Variants in CBR4 observed in about 807,000 individuals in gnomAD.
CBR4 encodes the protein carbonyl reductase 4, also known as 3-oxoacyl-[acyl-carrier-protein] reductase.
Under a neutral mutation model 21.0 loss-of-function variants are expected in CBR4, and 22 were observed. The ratio of observed to expected loss-of-function variants is 1.05; its 90% CI spans 0.75 to 1.50. CBR4 has a LOEUF of 1.50. Among genes scored for constraint, CBR4 ranks in the 40% most tolerant of loss-of-function variants. The probability of loss-of-function intolerance (pLI) is 0.00; values close to 1 mark genes in which losing one functional copy is unlikely to be tolerated. For synonymous variants in CBR4, 100 were observed against 104.4 expected (o/e 0.96, Z 0.26); for missense variants, 302 against 286.3 (o/e 1.05, Z -0.40).
At chr4:168,960,454 T>C (rs1341371576) in intron 2 of CBR4, among the ~76,000 whole-genome samples, 1 of 152,164 alleles carries the variant, frequency 6.6e-6, no homozygotes, top group Admixed American at 6.5e-5. Flanking sequence ...TATAAAATAT[T>C]CAGGAAGTCT....
At chr4:169,009,137 T>C (rs559742162) in intron 1 of CBR4, 1 of 425,494 alleles carries the variant, frequency 2.4e-6, no homozygotes, top group Admixed American at 3.0e-5. Flanking sequence ...ATTCTCCCCA[T>C]GCCTCCCTGA....
chr4:168,969,302 G>C (rs1425793411), intron 2 of CBR4, among the ~76,000 whole-genome samples: 1 of 152,096 alleles, frequency 6.6e-6, no homozygotes, highest in African/African-American at 2.4e-5. Flanking sequence ...TCCAAGTCTG[G>C]GAACTGAGCA....
In CBR4 at chr4:168,988,442, G is replaced by A. The variant is rs17054604; in HGVS notation, c.*1708C>T. ...CTCGCTCATGATTTCAGAGCATAAGGTGTCCAGAGAAGAAAACTCAAGACT... is the reference window on the plus strand; with the variant it reads ...CTCGCTCATGATTTCAGAGCATAAGATGTCCAGAGAAGAAAACTCAAGACT... On this transcript the variant is annotated 3_prime_UTR_variant, in exon 5 of 5. Transcript: ENST00000306193. 119,231 of 985,140 alleles carry A rather than the reference G, an allele frequency of 0.12. 7,465 individuals carry two copies. Among genetic ancestry groups the A allele is most frequent in the African/African-American group, 0.18 (10,558 of 57,262 alleles). The allele number at this position is 985,140 out of a possible 1,614,324, so 61.0% of individuals were successfully genotyped here. A position where few individuals can be genotyped will look rare whatever the true frequency, so the allele number is the denominator to read the frequency against.
chr4:168,957,304 G>A (rs533734196), intron 2 of CBR4, among the ~76,000 whole-genome samples: 4 of 151,812 alleles, frequency 2.6e-5, no homozygotes, highest in Non-Finnish European at 4.4e-5. Flanking sequence ...GTAAAAAATC[G>A]CTTTGACAAA....
At chr4:168,925,441 G>T in intron 2 of CBR4, 1 of 668,490 alleles carries the variant, frequency 1.5e-6, no homozygotes. Context: ...TTCTGCAAAT[G>T]ACTGCCTTTT....
intron 2 of CBR4, among the ~76,000 whole-genome samples, chr4:168,972,818 TAGA>T (rs1694662440): frequency 6.6e-6 from 1 of 152,226 alleles, no homozygotes; most frequent in African/African-American, 2.4e-5. Flanking sequence ...CTGTGTTGAA[TAGA>T]AGTAGTGAAA....
intron 2 of CBR4, among the ~76,000 whole-genome samples, chr4:168,907,658 C>A (rs191963891): frequency 2.0e-5 from 3 of 152,314 alleles, no homozygotes; most frequent in African/African-American, 2.4e-5. Context: ...CCCCAGAATT[C>A]TCTGCTTTGC....
At chr4:168,976,712 G>A (rs1328672336) in intron 2 of CBR4, among the ~76,000 whole-genome samples, 1 of 152,232 alleles carries the variant, frequency 6.6e-6, no homozygotes, top group African/African-American at 2.4e-5. Context: ...CATTCACAAG[G>A]GTGGGGGAAT....
chr4:168,926,485 T>C (rs1224766813), intron 2 of CBR4: 6 of 711,534 alleles, frequency 8.4e-6, no homozygotes, highest in Admixed American at 4.3e-5. Context: ...TACCTTTGAC[T>C]ATAAGAAATT....
chr4:168,996,751 T>C (rs879546564), intron 4 of CBR4, among the ~76,000 whole-genome samples: 2 of 152,106 alleles, frequency 1.3e-5, no homozygotes, highest in Non-Finnish European at 2.9e-5. Flanking sequence ...AGAAATTAAA[T>C]AAAATTTATC....
intron 2 of CBR4, chr4:168,927,029 A>G (rs1265582201): frequency 9.1e-6 from 2 of 219,690 alleles, no homozygotes; most frequent in African/African-American, 4.5e-5. Flanking sequence ...TAGTGTTTTC[A>G]TGCTACCTTG....
chr4:168,948,738 A>G (rs1452885025), intron 2 of CBR4, among the ~76,000 whole-genome samples: 1 of 152,164 alleles, frequency 6.6e-6, no homozygotes, highest in Non-Finnish European at 1.5e-5. Context: ...CTGTTTTTAT[A>G]CCAGTACCAT....
chr4:168,970,477 AC>A (rs1433152572), intron 2 of CBR4, among the ~76,000 whole-genome samples: 10 of 152,050 alleles, frequency 6.6e-5, no homozygotes, highest in Non-Finnish European at 1.3e-4. Flanking sequence ...TTTTGAATAG[AC>A]TATTTTTTTC....
chr4:169,010,171 G>T lies in CBR4; in HGVS notation c.-82C>A. ...TCCCTCAGGCTTTTAAACAACCGCG[G>T]TTCCAAAAAAAAAAAAAAGAAAAAA... On this transcript the variant is annotated 5_prime_UTR_variant, in exon 1 of 5. Transcript: ENST00000306193. The T allele has an allele frequency of 4.9e-6, 5 of 1,021,498 alleles. No homozygotes were observed. Among genetic ancestry groups the T allele is most frequent in the Middle Eastern group, 2.9e-4 (1 of 3,396 alleles). 63.3% of individuals were successfully genotyped at this position (1,021,498 alleles called of 1,614,324 possible).
downstream of CBR4, among the ~76,000 whole-genome samples, chr4:168,987,235 G>A (rs891604247): frequency 5.3e-5 from 8 of 152,154 alleles, no homozygotes; most frequent in African/African-American, 1.7e-4. Flanking sequence ...GTGAAAGCAA[G>A]CATCAAAGTC....
chr4:168,917,553 G>A (rs1232674316), intron 2 of CBR4, among the ~76,000 whole-genome samples: 1 of 152,082 alleles, frequency 6.6e-6, no homozygotes. Context: ...CTTAAATTTA[G>A]TTTAACTCTT....
chr4:168,914,606 G>C (rs1207673071), intron 2 of CBR4, among the ~76,000 whole-genome samples: 1 of 151,866 alleles, frequency 6.6e-6, no homozygotes, highest in Non-Finnish European at 1.5e-5. Flanking sequence ...AACAATGGTA[G>C]GCAGAGATAG....
At chr4:168,972,156 C>T (rs913248955) in intron 2 of CBR4, among the ~76,000 whole-genome samples, 2 of 151,874 alleles carry the variant, frequency 1.3e-5, no homozygotes, top group Admixed American at 6.6e-5. Flanking sequence ...TATATTTATA[C>T]CAGTATCATG....
chr4:168,944,067 T>A (rs1381504903), intron 2 of CBR4, among the ~76,000 whole-genome samples: 1 of 152,190 alleles, frequency 6.6e-6, no homozygotes, highest in Admixed American at 6.5e-5. Flanking sequence ...ATTTATAAAA[T>A]GTTGACTTTC....
Sources: allele counts gnomAD v4.1 joint callset (sites outside exome capture counted in the v4.1 genomes callset), GRCh38; gene constraint gnomAD v4.1.1; transcripts MANE v1.5; gene names NCBI Gene and HGNC (gene_info 2026-07-23, HGNC 2026-07-21).